MGST1: variants seen among roughly 807,000 people sequenced by gnomAD.
The protein encoded by MGST1 is microsomal glutathione S-transferase 1.
Under a neutral mutation model 8.9 loss-of-function variants are expected in MGST1, and 5 were observed. The observed-to-expected ratio is 0.56, with a 90% CI of 0.29 to 1.19. The LOEUF is 1.19. Ranked by LOEUF, MGST1 falls within the 50% of genes most tolerant of loss-of-function variation. The probability of loss-of-function intolerance (pLI) is 0.08; values close to 1 mark genes in which losing one functional copy is unlikely to be tolerated. For missense variants in MGST1, 182 were observed against 187.4 expected (o/e 0.97, Z 0.17); for synonymous variants, 54 against 67.8 (o/e 0.80, Z 1.00).
At chr12:16,358,443 A>G (rs1375433136) in intron 3 of MGST1, among the ~76,000 whole-genome samples, 3 of 149,874 alleles carry the variant, frequency 2.0e-5, no homozygotes, top group South Asian at 2.1e-4. Flanking sequence ...AGCTGCATCC[A>G]TGTTGCTGCA....
chr12:16,355,105 G>A (rs1455232040), intron 2 of MGST1, among the ~76,000 whole-genome samples: 1 of 151,852 alleles, frequency 6.6e-6, no homozygotes, highest in Non-Finnish European at 1.5e-5. Context: ...TCTTCCTGGA[G>A]ACCATCTGTT....
At chr12:16,571,273 G>T (rs374069557) in intron 4 of MGST1, among the ~76,000 whole-genome samples, 2 of 151,978 alleles carry the variant, frequency 1.3e-5, no homozygotes, top group Non-Finnish European at 2.9e-5. Context: ...CGTTACAAAG[G>T]CATCAGTATT....
exon 2 of MGST1, chr12:16,438,389 G>T (rs547884435): frequency 5.9e-5 from 9 of 152,024 alleles, no homozygotes; most frequent in African/African-American, 2.2e-4. Flanking sequence ...GTTCCAACTA[G>T]ACTCTATGGT....
At chr12:16,563,227 G>T (rs907120284) in intron 4 of MGST1, among the ~76,000 whole-genome samples, 3 of 152,106 alleles carry the variant, frequency 2.0e-5, no homozygotes, top group African/African-American at 7.2e-5. Flanking sequence ...CTAATTTACT[G>T]CAAAGCGATG....
intron 4 of MGST1, among the ~76,000 whole-genome samples, chr12:16,571,239 C>A (rs1031292212): frequency 1.3e-5 from 2 of 151,998 alleles, no homozygotes; most frequent in African/African-American, 4.8e-5. Flanking sequence ...AGATATTCAT[C>A]CTTGTATTTA....
chr12:16,572,224 G>T (rs1046649590), intron 4 of MGST1, among the ~76,000 whole-genome samples: 7 of 151,448 alleles, frequency 4.6e-5, no homozygotes, highest in Non-Finnish European at 8.9e-5. Context: ...GTACTTTTAC[G>T]TAGTAAAGCT....
chr12:16,349,609 G>T (rs796339829), intron 1 of MGST1, among the ~76,000 whole-genome samples: 10 of 152,198 alleles, frequency 6.6e-5, no homozygotes, highest in African/African-American at 2.4e-4. Context: ...TCTACCTCAG[G>T]ATTTTTCGGG....
intron 4 of MGST1, among the ~76,000 whole-genome samples, chr12:16,445,674 G>A (rs1346794018): frequency 2.0e-5 from 3 of 152,008 alleles, no homozygotes; most frequent in East Asian, 2.0e-4. Context: ...AGGTACCTGA[G>A]GTCATTTTAT....
chr12:16,554,522 C>G (rs1197119634), intron 4 of MGST1, among the ~76,000 whole-genome samples: 1 of 152,154 alleles, frequency 6.6e-6, no homozygotes, highest in Admixed American at 6.5e-5. Flanking sequence ...AATTTACTGT[C>G]TTTCCCACTG....
At chr12:16,539,790 G>T (rs1375276056) in intron 4 of MGST1, among the ~76,000 whole-genome samples, 1 of 152,064 alleles carries the variant, frequency 6.6e-6, no homozygotes, top group East Asian at 1.9e-4. Context: ...TGGAGCTCAG[G>T]GCATGACAAC....
intron 4 of MGST1, among the ~76,000 whole-genome samples, chr12:16,575,721 GAAC>G (rs921805670): frequency 6.6e-5 from 10 of 152,118 alleles, no homozygotes; most frequent in Non-Finnish European, 1.2e-4. Flanking sequence ...TGTGTCAAGA[GAAC>G]AACAGAAGGA....
At chr12:16,441,379 T>G, downstream of MGST1, among the ~76,000 whole-genome samples, 1 of 151,920 alleles carries the variant, frequency 6.6e-6, no homozygotes, top group East Asian at 1.9e-4. Context: ...GGATTCACTC[T>G]TGATGGTGTA....
At chr12:16,442,532 G>A (rs7299979), downstream of MGST1, among the ~76,000 whole-genome samples, 1,970 of 151,620 alleles carry the variant, frequency 0.013, 45 homozygotes, top group African/African-American at 0.045. This position sits in a 1 kb window ranked among gnomAD's most constrained non-coding sequence, Gnocchi z 4.5. Context: ...TTTTGCATGC[G>A]GATGTCTATT....
At chr12:16,400,156 T>C (rs12818127) in intron 1 of MGST1, 520,193 of 1,314,730 alleles carry the variant, frequency 0.4, 104,440 homozygotes, top group East Asian at 0.53. Flanking sequence ...ATCTCGGTCA[T>C]GCATATGTTG....
intron 4 of MGST1, among the ~76,000 whole-genome samples, chr12:16,451,014 G>A (rs1941124822): frequency 6.6e-6 from 1 of 151,774 alleles, no homozygotes; most frequent in African/African-American, 2.4e-5. Flanking sequence ...ATACTGTTTA[G>A]GAATTTTCTC....
downstream of MGST1, among the ~76,000 whole-genome samples, chr12:16,368,099 G>T (rs982477602): frequency 6.6e-6 from 1 of 152,086 alleles, no homozygotes; most frequent in African/African-American, 2.4e-5. Flanking sequence ...TAGTTATTAG[G>T]GAGACCTCTC....
chr12:16,348,557 T>C (rs545124395), intron 1 of MGST1, among the ~76,000 whole-genome samples: 8 of 152,222 alleles, frequency 5.3e-5, no homozygotes, highest in Middle Eastern at 3.4e-3. Flanking sequence ...TTCCCCTATT[T>C]CTTCTCCCTA....
downstream of MGST1, among the ~76,000 whole-genome samples, chr12:16,366,211 G>A (rs1388597735): frequency 2.0e-5 from 3 of 152,260 alleles, no homozygotes; most frequent in East Asian, 5.8e-4. This position sits in a 1 kb window ranked among gnomAD's most constrained non-coding sequence, Gnocchi z 4.0. Context: ...CACACGTAAG[G>A]AAAAGTGCAA....
chr12:16,432,619 T>C (rs1302743187), intron 1 of MGST1, among the ~76,000 whole-genome samples: 4 of 150,676 alleles, frequency 2.7e-5, no homozygotes, highest in African/African-American at 7.3e-5. Flanking sequence ...CTTCCCCTCT[T>C]GCTTTTATTG....
Sources: allele counts gnomAD v4.1 joint callset (sites outside exome capture counted in the v4.1 genomes callset), GRCh38; gene constraint gnomAD v4.1.1; non-coding constraint Gnocchi (gnomAD v3.1); transcripts MANE v1.5; gene names NCBI Gene and HGNC (gene_info 2026-07-23, HGNC 2026-07-21).